Variants in CRYGC observed in about 807,000 individuals in gnomAD.
CRYGC encodes crystallin gamma C, also known as gamma-crystallin C.
In CRYGC, 14 loss-of-function variants were observed where a neutral mutation model predicts 21.9. That is an observed-to-expected ratio of 0.64 (90% confidence interval 0.42 to 1.00). The LOEUF is 1.00. Ranked by LOEUF, CRYGC falls within the 50% of genes least tolerant of loss-of-function variation. CRYGC has a pLI of 0.00. For synonymous variants in CRYGC, 96 were observed against 89.8 expected (o/e 1.07, Z -0.39); for missense variants, 235 against 234.2 (o/e 1.00, Z -0.02).
intron 2 of CRYGC, 98 bp from the exon 3 acceptor site, chr2:208,128,573 G>A: frequency 7.1e-7 from 1 of 1,416,878 alleles, no homozygotes; most frequent in Non-Finnish European, 9.9e-7. Flanking sequence ...GTTGTGGCAT[G>A]GAATTGTCAT....
intron 1 of CRYGC, 23 bp downstream of exon 1, chr2:208,129,761 T>C (rs1310807179): frequency 3.7e-6 from 6 of 1,614,226 alleles, no homozygotes; most frequent in Non-Finnish European, 5.1e-6. Flanking sequence ...TTTTTCATTT[T>C]ATTTAATTTG....
chr2:208,128,525 C>A, intron 2 of CRYGC, 50 bp from the exon 3 acceptor site: 1 of 1,609,480 alleles, frequency 6.2e-7, no homozygotes. Context: ...GAGTCTCTTC[C>A]AGAATTTGTC....
Position 208,129,544 on chromosome 2 carries a change from T to C in CRYGC, c.149A>G (p.Asn50Ser), listed in dbSNP as rs746520767. Residue 50 changes from asparagine (N) to serine (S), a missense_variant, in exon 2 of 3, where the codon AAC (asparagine) becomes AGC (serine). By Grantham distance (46) the Asn-to-Ser change is conservative (BLOSUM62 1). Coordinates refer to ENST00000282141, the MANE Select transcript of CRYGC (RefSeq NM_020989.4). The part of the protein sequence containing the change: ...SGCWMLYERP[N>S]YQGQQYLLRR... ...CAGCAAGTATTGTTGACCTTGGTAG[T>C]TGGGACGCTCATAGAGCATCCAGCA... 32 of 1,614,214 alleles carry C rather than the reference T, an allele frequency of 2.0e-5. No homozygotes were observed. The South Asian group carries it at 3.4e-4, about 17-fold the overall frequency.
rs757564058 is a variant in CRYGC at position 208,129,447 on chromosome 2, G to C, written c.246C>G (p.Ile82Met). The change falls in exon 2 of 3, where the codon ATC becomes ATG. Residue 82 changes from isoleucine to methionine, a missense_variant. Physicochemically the swap from Ile to Met is conservative, Grantham distance 10. Transcript: ENST00000282141. The part of the protein sequence containing the change: ...LSDSIRSCCL[I>M]PQTVSHRLRL... ...GGAAATCTAGAAAACTCACTTGGGG[G>C]ATGAGACAACAGGAGCGGATGGAGT... The C allele has an allele frequency of 6.2e-6, 10 of 1,612,874 alleles. No individual in the cohort carries two copies. Among genetic ancestry groups the C allele is most frequent in the Non-Finnish European group, 6.8e-6 (8 of 1,179,984 alleles).
At chr2:208,128,818 G>A (rs2105858499) in intron 2 of CRYGC, among the ~76,000 whole-genome samples, 1 of 152,252 alleles carries the variant, frequency 6.6e-6, no homozygotes, top group South Asian at 2.1e-4. Flanking sequence ...GGGAAAAATA[G>A]AAATAATTTA....
intron 1 of CRYGC, 22 bp from the exon 2 acceptor site, chr2:208,129,705 G>A (rs554919363): frequency 1.5e-5 from 24 of 1,614,178 alleles, no homozygotes; most frequent in South Asian, 5.5e-5. Flanking sequence ...GAATCGTTCC[G>A]AATTACATTA....
At chr2:208,129,415 G>T (rs765628489) in intron 2 of CRYGC, 26 bp downstream of exon 2, 12 of 1,611,398 alleles carry the variant, frequency 7.4e-6, no homozygotes, top group Non-Finnish European at 1.0e-5. Flanking sequence ...GACTCTGGCG[G>T]CATGATGGAA....
chr2:208,129,443 G>C lies in CRYGC; in HGVS notation c.250C>G (p.Gln84Glu), dbSNP rs1695057027. 4 of 1,612,878 alleles carry C rather than the reference G, an allele frequency of 2.5e-6. No individual in the cohort carries two copies. The highest frequency in any genetic ancestry group is 3.4e-6 in the Non-Finnish European group (4 of 1,179,962). The part of the protein sequence containing the change: ...DSIRSCCLIP[Q>E]TVSHRLRLYE... ...TGATGGAAATCTAGAAAACTCACTT[G>C]GGGGATGAGACAACAGGAGCGGATG... The change falls in exon 2 of 3, where the codon CAA (glutamine) becomes GAA (glutamate). Residue 84 changes from glutamine (Q) to glutamate (E), a missense_variant and splice_region_variant. By Grantham distance (29) the Gln-to-Glu change is conservative. Coordinates refer to ENST00000282141, the MANE Select transcript of CRYGC (RefSeq NM_020989.4).
intron 2 of CRYGC, among the ~76,000 whole-genome samples, chr2:208,129,025 T>C (rs1207002475): frequency 2.6e-5 from 4 of 152,208 alleles, no homozygotes; most frequent in Non-Finnish European, 5.9e-5. Context: ...GAATAGCCTA[T>C]ATTAACAATA....
At chr2:208,128,648 T>C (rs557914241) in intron 2 of CRYGC, among the ~76,000 whole-genome samples, 173 bp from the exon 3 acceptor site, 1 of 152,356 alleles carries the variant, frequency 6.6e-6, no homozygotes. Context: ...TGTCTTCCAC[T>C]AGCACCTAAA....
Position 208,128,194 on chromosome 2 carries a change from T to A in CRYGC, c.*9A>T. ...TTCCAAAATGGGAAATTGGTAGTGT[T>A]AAGCTATTTTAATACAAATCCACCA... On this transcript the variant is annotated 3_prime_UTR_variant, in exon 3 of 3. Coordinates refer to ENST00000282141, the MANE Select transcript of CRYGC (RefSeq NM_020989.4). The A allele has an allele frequency of 2.5e-6, 4 of 1,614,234 alleles. No individual in the cohort carries two copies. The highest frequency in any genetic ancestry group is 2.5e-6 in the Non-Finnish European group (3 of 1,180,032).
At chr2:208,128,737 G>C (rs1305963339) in intron 2 of CRYGC, among the ~76,000 whole-genome samples, 1 of 152,162 alleles carries the variant, frequency 6.6e-6, no homozygotes, top group African/African-American at 2.4e-5. Flanking sequence ...TTCAAACTCT[G>C]AGTTAGAATC....
At chr2:208,129,249 C>T (rs528357778) in intron 2 of CRYGC, among the ~76,000 whole-genome samples, 192 bp downstream of exon 2, 20 of 152,278 alleles carry the variant, frequency 1.3e-4, no homozygotes, top group Admixed American at 2.6e-4. Context: ...TCAAGTAAAA[C>T]GGATTCTTCC....
At position 208,129,487 on chromosome 2, in the gene CRYGC, CATT is replaced by C; in HGVS notation, c.203_205del (p.Gln68_Trp69delinsArg). 6.2e-7 allele frequency: 1 copy of C among 1,614,012 alleles called. No homozygotes were observed. The highest frequency in any genetic ancestry group is 8.5e-7 in the Non-Finnish European group (1 of 1,180,042). On this transcript the variant is annotated inframe_deletion, in exon 2 of 3. Transcript: ENST00000282141. ...GCGGATGGAGTCGCTGAGGCCCATC[CATT>C]GCTGGTAGTCGGGGTACTCCCCTCG...
At position 208,129,671 on chromosome 2, in the gene CRYGC, C is replaced by T. The variant is rs1407064873; in HGVS notation, c.22G>A (p.Glu8Lys). Reference protein sequence around the residue: MGKITFYEDRAFQGRSYE... With the variant: MGKITFYKDRAFQGRSYE... ...CTGCGGCCCTGGAAGGCCCTGTCCT[C>T]ATAGAAGGTGATCTGCAAAGGAAGA... The change falls in exon 2 of 3, where the codon GAG becomes AAG. Residue 8 changes from glutamate (E) to lysine (K), a missense_variant. Transcript: ENST00000282141. The T allele has an allele frequency of 1.9e-6, 3 of 1,614,126 alleles. No homozygotes were observed. Among genetic ancestry groups the T allele is most frequent in the Admixed American group, 3.3e-5 (2 of 60,010 alleles).
chr2:208,128,536 C>G (rs1639827082), intron 2 of CRYGC, 61 bp from the exon 3 acceptor site: 2 of 1,596,596 alleles, frequency 1.3e-6, no homozygotes, highest in Non-Finnish European at 1.7e-6. Context: ...AGAATTTGTC[C>G]AACCAAAGAA....
At position 208,129,548 on chromosome 2, in the gene CRYGC, G is replaced by T. The variant is rs1351742978; in HGVS notation, c.145C>A (p.Pro49Thr). The T allele has an allele frequency of 2.5e-6, 4 of 1,614,214 alleles. No homozygotes were observed. The Admixed American group carries it at 6.7e-5, about 27-fold the overall frequency. The change falls in exon 2 of 3, where the codon CCC becomes ACC. Residue 49 changes from proline (P) to threonine (T), a missense_variant. By Grantham distance (38) the Pro-to-Thr change is conservative (BLOSUM62 -1). Coordinates refer to ENST00000282141, the MANE Select transcript of CRYGC (RefSeq NM_020989.4). ...ESGCWMLYER[P>T]NYQGQQYLLR... Reference sequence around the variant, plus strand: ...AAGTATTGTTGACCTTGGTAGTTGGGACGCTCATAGAGCATCCAGCAGCCG... The same window carrying T: ...AAGTATTGTTGACCTTGGTAGTTGGTACGCTCATAGAGCATCCAGCAGCCG...
rs771786974 is a variant in CRYGC at position 208,129,817 on chromosome 2, G to C, written c.-25C>G. 65 of 1,613,952 alleles carry C rather than the reference G, an allele frequency of 4.0e-5. No homozygotes were observed. The highest frequency in any genetic ancestry group is 5.3e-5 in the Non-Finnish European group (62 of 1,180,008). On this transcript the variant is annotated 5_prime_UTR_variant, in exon 1 of 3. Transcript: ENST00000282141. ...TGGCTGGTTGACACGGATGATGCGA[G>C]TTCAGTGTGATGGGGCCTGCGGCTG...
intron 2 of CRYGC, 58 bp downstream of exon 2, chr2:208,129,381 AAC>A (rs1443160863): frequency 3.7e-6 from 6 of 1,601,760 alleles, no homozygotes; most frequent in Non-Finnish European, 5.1e-6. Context: ...CCCTCCCTGT[AAC>A]CCACATTGAC....
Sources: gnomAD v4.1 joint callset for allele counts (sites outside exome capture counted in the v4.1 genomes callset) on GRCh38, gnomAD v4.1.1 for gene constraint, MANE v1.5 for transcripts, NCBI Gene and HGNC (gene_info 2026-07-23, HGNC 2026-07-21) for gene names.